ADD1: variants seen among roughly 807,000 people sequenced by gnomAD.
ADD1 encodes adducin 1, also known as alpha-adducin.
Under a neutral mutation model 80.5 loss-of-function variants are expected in ADD1, and 24 were observed. The observed-to-expected ratio is 0.30, with a 90% CI of 0.22 to 0.42. The LOEUF (loss-of-function observed/expected upper bound fraction) is 0.42. ADD1 is among the 10% of genes least tolerant of loss of function. The probability of loss-of-function intolerance (pLI) is 1.00; values close to 1 mark genes in which losing one functional copy is unlikely to be tolerated. For synonymous variants in ADD1, 373 were observed against 393.8 expected, an observed-to-expected ratio of 0.95 and a Z score of 0.63; for missense variants, 948 against 1,019.0, an observed-to-expected ratio of 0.93 and a Z score of 0.95.
chr4:2,869,549 A>G (rs2108861173), intron 1 of ADD1, among the ~76,000 whole-genome samples: 1 of 152,268 alleles, frequency 6.6e-6, no homozygotes, highest in Non-Finnish European at 1.5e-5. Flanking sequence ...GGGCTTCAAC[A>G]TGTGAATTTT....
At chr4:2,858,813 C>T (rs1007389903) in intron 1 of ADD1, among the ~76,000 whole-genome samples, 11 of 152,156 alleles carry the variant, frequency 7.2e-5, no homozygotes, top group Non-Finnish European at 4.4e-5. Context: ...GTAGTGAGAC[C>T]ATGGCTCAAC....
intron 1 of ADD1, among the ~76,000 whole-genome samples, chr4:2,866,493 C>T (rs1215889065): frequency 8.9e-6 from 1 of 111,828 alleles, no homozygotes; most frequent in South Asian, 2.4e-4. Flanking sequence ...TATTTTAAAT[C>T]GTTTTTTTTT....
intron 1 of ADD1, among the ~76,000 whole-genome samples, chr4:2,866,472 G>A (rs1478545333): frequency 6.6e-6 from 1 of 150,912 alleles, no homozygotes. Flanking sequence ...CTCTGTGCCT[G>A]GCCTGGAGGT....
chr4:2,875,986 A>T lies in ADD1; in HGVS notation c.71A>T (p.Tyr24Phe). The change falls in exon 2 of 16, where the codon TAC (tyrosine) becomes TTC (phenylalanine). Residue 24 changes from tyrosine to phenylalanine, a missense_variant. Transcript: ENST00000683351. ...PPTTAPHKER[Y>F]FDRVDENNPE... ...ACCACAGCCCCTCACAAGGAGAGGT[A>T]CTTCGACCGAGTAGATGAGAACAAC... is the stretch of plus-strand genomic sequence containing the variant. 2 of 1,614,098 alleles carry T rather than the reference A, an allele frequency of 1.2e-6. No homozygotes were observed. The highest frequency in any genetic ancestry group is 1.7e-6 in the Non-Finnish European group (2 of 1,179,962).
intron 1 of ADD1, among the ~76,000 whole-genome samples, chr4:2,868,447 C>G (rs1011409184): frequency 9.2e-5 from 14 of 152,236 alleles, no homozygotes; most frequent in Admixed American, 9.2e-4. Context: ...GCCCCCAAGT[C>G]TGTTTACAAT....
At chr4:2,915,439 G>A (rs1235511692) in intron 14 of ADD1, among the ~76,000 whole-genome samples, 2 of 152,238 alleles carry the variant, frequency 1.3e-5, no homozygotes, top group Non-Finnish European at 2.9e-5. Context: ...AGGAGATCGA[G>A]ACCATCCTGG....
chr4:2,928,050 T>A, intron 15 of ADD1, 121 bp from the exon 16 acceptor site: 1 of 864,112 alleles, frequency 1.2e-6, no homozygotes, highest in Non-Finnish European at 1.9e-6. Flanking sequence ...GTTTCTTGTC[T>A]TGGTAAAAAT....
At chr4:2,858,129 A>G (rs1414835755) in intron 1 of ADD1, among the ~76,000 whole-genome samples, 3 of 152,198 alleles carry the variant, frequency 2.0e-5, no homozygotes, top group Non-Finnish European at 2.9e-5. Flanking sequence ...GAACTCTACT[A>G]TGTGGTGGAG....
At chr4:2,866,592 G>A (rs1455013843) in intron 1 of ADD1, among the ~76,000 whole-genome samples, 1 of 150,648 alleles carries the variant, frequency 6.6e-6, no homozygotes, top group Non-Finnish European at 1.5e-5. Flanking sequence ...AATATTTATT[G>A]AGGCCTGTTC....
intron 6 of ADD1, among the ~76,000 whole-genome samples, chr4:2,897,521 A>C (rs1735443600): frequency 6.8e-6 from 1 of 147,226 alleles, no homozygotes; most frequent in Non-Finnish European, 1.5e-5. Flanking sequence ...AAAACTTTAG[A>C]GCACTTGGAA....
At chr4:2,906,656 AT>A (rs1737120255) in intron 10 of ADD1, among the ~76,000 whole-genome samples, 1 of 152,176 alleles carries the variant, frequency 6.6e-6, no homozygotes, top group South Asian at 2.1e-4. Context: ...TTCATTTATA[AT>A]GATTGCTGTT....
intron 7 of ADD1, 52 bp downstream of exon 7, chr4:2,898,379 G>A (rs1735611138): frequency 6.2e-7 from 1 of 1,614,040 alleles, no homozygotes; most frequent in Non-Finnish European, 8.5e-7. Context: ...GAAGAATAAA[G>A]CAAAGGACCA....
At chr4:2,878,846 A>T (rs1361845966) in intron 2 of ADD1, among the ~76,000 whole-genome samples, 3 of 152,142 alleles carry the variant, frequency 2.0e-5, no homozygotes, top group Admixed American at 6.5e-5. Context: ...ATTACAATGG[A>T]TCTAAGCCAG....
chr4:2,874,618 A>G (rs915871350), intron 1 of ADD1, among the ~76,000 whole-genome samples: 4 of 152,022 alleles, frequency 2.6e-5, no homozygotes, highest in African/African-American at 4.8e-5. Context: ...AAAAAAAAAA[A>G]AGAAAGAAAT....
chr4:2,859,127 A>G (rs1250566647), intron 1 of ADD1, among the ~76,000 whole-genome samples: 1 of 152,220 alleles, frequency 6.6e-6, no homozygotes, highest in East Asian at 1.9e-4. Flanking sequence ...AATAAATCCC[A>G]GGTGGATTAA....
chr4:2,852,278 C>CTTCTT (rs58878174), intron 1 of ADD1, among the ~76,000 whole-genome samples: 1,514 of 111,332 alleles, frequency 0.014, 52 homozygotes, highest in African/African-American at 0.042. Flanking sequence ...TCCTTCCTTC[C>CTTCTT]TTCTTTTCTT....
At chr4:2,860,636 A>G (rs1024358896) in intron 1 of ADD1, among the ~76,000 whole-genome samples, 4 of 152,240 alleles carry the variant, frequency 2.6e-5, no homozygotes, top group African/African-American at 9.6e-5. Flanking sequence ...ACAGTAGTGA[A>G]TGAGACAGAC....
At position 2,928,609 on chromosome 4, in the gene ADD1, T is replaced by C; in HGVS notation, c.*86T>C. 2 of 1,454,148 alleles carry C rather than the reference T, an allele frequency of 1.4e-6. No individual in the cohort carries two copies. Among genetic ancestry groups the C allele is most frequent in the East Asian group, 2.3e-5 (1 of 43,620 alleles). 90.1% of individuals were successfully genotyped at this position (1,454,148 alleles called of 1,614,324 possible). On this transcript the variant is annotated 3_prime_UTR_variant, in exon 16 of 16. Transcript: ENST00000683351. ...ACGTCTGTGCTCTGTCCTTGTGTAA[T>C]GGAATGCAAAAAAGCCAAGCCCTCC...
chr4:2,892,427 T>C (rs1267881664), intron 4 of ADD1, among the ~76,000 whole-genome samples: 1 of 152,196 alleles, frequency 6.6e-6, no homozygotes, highest in African/African-American at 2.4e-5. Context: ...ATATGCTTGA[T>C]GCATAGTGTA....
Sources: gnomAD v4.1 joint callset for allele counts (sites outside exome capture counted in the v4.1 genomes callset) on GRCh38, gnomAD v4.1.1 for gene constraint, MANE v1.5 for transcripts, NCBI Gene and HGNC (gene_info 2026-07-23, HGNC 2026-07-21) for gene names.